Variants in TRPM6 observed in about 807,000 individuals in gnomAD.
The protein encoded by TRPM6 is channel kinase 2.
TRPM6 carries 111 observed loss-of-function variants against 247.6 expected under a neutral mutation model. That is an observed-to-expected ratio of 0.45 (90% CI 0.38 to 0.52). The LOEUF (loss-of-function observed/expected upper bound fraction) is 0.52. Among genes scored for constraint, TRPM6 ranks in the 20% least tolerant of loss-of-function variants. The probability of loss-of-function intolerance (pLI) is 0.00; values close to 1 mark genes in which losing one functional copy is unlikely to be tolerated. For synonymous variants in TRPM6, 892 were observed against 853.8 expected (o/e 1.04, Z -0.78); for missense variants, 2,126 against 2,421.5 (o/e 0.88, Z 2.56).
intron 19 of TRPM6, 149 bp from the exon 20 acceptor site, chr9:74,788,891 T>A: frequency 1.1e-6 from 1 of 879,192 alleles, no homozygotes; most frequent in Non-Finnish European, 1.8e-6. Flanking sequence ...ATTGATGACC[T>A]ACTATCAAGG....
intron 29 of TRPM6, among the ~76,000 whole-genome samples, chr9:74,750,979 A>G (rs916010288): frequency 6.6e-6 from 1 of 152,216 alleles, no homozygotes; most frequent in Non-Finnish European, 1.5e-5. Context: ...AGAAAATGTA[A>G]TATATGAAAT....
intron 17 of TRPM6, among the ~76,000 whole-genome samples, chr9:74,798,733 A>C (rs1205822235): frequency 6.6e-6 from 1 of 152,222 alleles, no homozygotes; most frequent in Non-Finnish European, 1.5e-5. Flanking sequence ...GCACTGATAA[A>C]GTAGCATCTA....
intron 1 of TRPM6, among the ~76,000 whole-genome samples, chr9:74,874,759 ATTT>A (rs34812726): frequency 7.0e-6 from 1 of 143,186 alleles, no homozygotes. Flanking sequence ...TTGTAATTGT[ATTT>A]TTTTTTTTTT....
intron 25 of TRPM6, among the ~76,000 whole-genome samples, chr9:74,770,557 T>C (rs1826999384): frequency 6.6e-6 from 1 of 152,140 alleles, no homozygotes; most frequent in African/African-American, 2.4e-5. Context: ...CTCAAACTTC[T>C]GAATGTCCCC....
At chr9:74,732,545 T>G in intron 37 of TRPM6, 140 bp downstream of exon 37, 1 of 577,088 alleles carries the variant, frequency 1.7e-6, no homozygotes. Flanking sequence ...AATCTTATTG[T>G]TTTTGGTCTA....
At chr9:74,753,091 C>T (rs932203077) in intron 28 of TRPM6, among the ~76,000 whole-genome samples, 15 of 126,570 alleles carry the variant, frequency 1.2e-4, no homozygotes, top group African/African-American at 4.1e-4. Context: ...CCAGCCTGAG[C>T]GACAGAGTGA....
At chr9:74,760,331 A>T (rs1001316469) in intron 27 of TRPM6, among the ~76,000 whole-genome samples, 3 of 152,176 alleles carry the variant, frequency 2.0e-5, no homozygotes, top group African/African-American at 7.2e-5. Flanking sequence ...ATATGCTTAG[A>T]TACACAAATA....
intron 6 of TRPM6, among the ~76,000 whole-genome samples, chr9:74,828,779 T>C (rs1829444016): frequency 6.6e-6 from 1 of 151,752 alleles, no homozygotes; most frequent in Non-Finnish European, 1.5e-5. Flanking sequence ...CAGGCACACA[T>C]CTCCACGCTT....
At chr9:74,788,507 C>A (rs967429319) in intron 20 of TRPM6, 107 bp downstream of exon 20, 2 of 1,356,198 alleles carry the variant, frequency 1.5e-6, no homozygotes, top group East Asian at 4.6e-5. Flanking sequence ...TGTCTTCCCC[C>A]ACCCTTGACA....
intron 28 of TRPM6, among the ~76,000 whole-genome samples, chr9:74,753,513 T>C (rs949935293): frequency 3.3e-5 from 5 of 151,956 alleles, no homozygotes; most frequent in African/African-American, 1.2e-4. Context: ...CTGGGTAACA[T>C]AGTGAGACCC....
intron 2 of TRPM6, among the ~76,000 whole-genome samples, chr9:74,857,475 G>A (rs939515738): frequency 6.6e-6 from 1 of 152,082 alleles, no homozygotes; most frequent in East Asian, 1.9e-4. Flanking sequence ...ATTTTTCCAA[G>A]GGCAATGTCA....
intron 28 of TRPM6, among the ~76,000 whole-genome samples, chr9:74,753,013 T>C (rs1041630061): frequency 6.7e-6 from 1 of 149,208 alleles, no homozygotes; most frequent in East Asian, 2.0e-4. Flanking sequence ...CTCAGGAGGC[T>C]GAGGCAAGAG....
At chr9:74,779,392 G>C (rs916234392) in intron 23 of TRPM6, among the ~76,000 whole-genome samples, 7 of 152,208 alleles carry the variant, frequency 4.6e-5, no homozygotes, top group Non-Finnish European at 1.0e-4. Context: ...TGGGCTAAGA[G>C]AGATGATGAC....
intron 36 of TRPM6, among the ~76,000 whole-genome samples, chr9:74,733,107 T>C (rs1404131566): frequency 6.6e-6 from 1 of 151,568 alleles, no homozygotes; most frequent in Non-Finnish European, 1.5e-5. Context: ...GGCAGAAGAA[T>C]CGTTTGAACC....
intron 13 of TRPM6, 141 bp downstream of exon 13, chr9:74,810,674 T>C: frequency 1.3e-6 from 1 of 760,688 alleles, no homozygotes; most frequent in Non-Finnish European, 2.4e-6. Flanking sequence ...GTTGATGAAC[T>C]TGTTCAAATC....
Position 74,853,459 on chromosome 9 carries a change from C to A in TRPM6, c.152+2068G>T, listed in dbSNP as rs139605888. Among the ~76,000 whole-genome samples, 1,116 of 152,288 alleles carry A rather than the reference C, an allele frequency of 7.3e-3. 15 individuals carry two copies. Among genetic ancestry groups the A allele is most frequent in the African/African-American group, 0.025 (1,046 of 41,556 alleles). The stretch of plus-strand genomic sequence containing the variant: ...AAAAGGAAGAGAAATCAGATTGTTA[C>A]CGTGTCTGTGCGGAAATAAGTAGAC... On this transcript the variant is annotated intron_variant, in intron 3 of 38. Coordinates refer to ENST00000360774, the MANE Select transcript of TRPM6 (RefSeq NM_017662.5).
intron 27 of TRPM6, among the ~76,000 whole-genome samples, chr9:74,757,707 G>A (rs919133207): frequency 9.2e-5 from 14 of 152,144 alleles, no homozygotes; most frequent in African/African-American, 2.7e-4. Context: ...GAGGTCAGGA[G>A]TTCGAGATCA....
chr9:74,800,163 A>G (rs1303815858), intron 17 of TRPM6, 91 bp downstream of exon 17: 3 of 1,233,176 alleles, frequency 2.4e-6, no homozygotes, highest in Non-Finnish European at 3.5e-6. Flanking sequence ...GGTTTTCCTG[A>G]AGACACAATT....
At chr9:74,804,030 TA>T in intron 14 of TRPM6, 144 bp from the exon 15 acceptor site, 1 of 684,804 alleles carries the variant, frequency 1.5e-6, no homozygotes, top group East Asian at 2.8e-5. Flanking sequence ...TGTTGTGTCC[TA>T]CCAAATATCC....
Sources: allele counts gnomAD v4.1 joint callset (sites outside exome capture counted in the v4.1 genomes callset), GRCh38; gene constraint gnomAD v4.1.1; transcripts MANE v1.5; gene names NCBI Gene and HGNC (gene_info 2026-07-23, HGNC 2026-07-21).